SIL1: variants seen among roughly 807,000 people sequenced by gnomAD.
The protein encoded by SIL1 is nucleotide exchange factor SIL1.
In SIL1, 40 loss-of-function variants were observed where a neutral mutation model predicts 49.1. The observed-to-expected ratio is 0.81, with a 90% confidence interval of 0.63 to 1.06. SIL1 has a LOEUF of 1.06. Among genes scored for constraint, SIL1 ranks in the 50% least tolerant of loss-of-function variants. SIL1 has a pLI of 0.00. For missense variants in SIL1, 500 were observed against 572.6 expected (o/e 0.87, Z 1.29); for synonymous variants, 253 against 250.8 (o/e 1.01, Z -0.08).
At chr5:139,106,727 A>T (rs1485349742) in intron 3 of SIL1, among the ~76,000 whole-genome samples, 1 of 152,212 alleles carries the variant, frequency 6.6e-6, no homozygotes, top group Non-Finnish European at 1.5e-5. Context: ...TTCTTCTACA[A>T]ACCCTGCTAT....
chr5:139,157,580 ACAAAGGTAAAGCAACC>A (rs1751429855), intron 1 of SIL1, among the ~76,000 whole-genome samples: 2 of 152,248 alleles, frequency 1.3e-5, no homozygotes, highest in African/African-American at 2.4e-5. Context: ...CATTGTCAGG[ACAAAGGTAAAGCAACC>A]CAAAATGCAC....
At chr5:139,114,230 C>G (rs1770937357) in intron 3 of SIL1, among the ~76,000 whole-genome samples, 1 of 152,212 alleles carries the variant, frequency 6.6e-6, no homozygotes, top group East Asian at 1.9e-4. Context: ...AGGTTGCAGT[C>G]CTTCCTGGCC....
At position 138,996,676 on chromosome 5, in the gene SIL1, C is replaced by T. The variant is rs144695801; in HGVS notation, c.767+24495G>A. 8.1e-3 allele frequency among the ~76,000 whole-genome samples: 1,223 copies of T among 151,790 alleles called. 10 individuals carry two copies. The highest frequency in any genetic ancestry group is 0.027 in the African/African-American group (1,131 of 41,372). ...CTGGGACTACAGGTGCGAGCCACCACGCCCAGCTAATTTTTATGTTTTTAG... is the reference window on the plus strand; with the variant it reads ...CTGGGACTACAGGTGCGAGCCACCATGCCCAGCTAATTTTTATGTTTTTAG... On this transcript the variant is annotated intron_variant, in intron 7 of 9. Coordinates refer to ENST00000394817, the MANE Select transcript of SIL1 (RefSeq NM_022464.5).
At chr5:139,064,289 T>C (rs1581071772) in intron 3 of SIL1, among the ~76,000 whole-genome samples, 1 of 152,196 alleles carries the variant, frequency 6.6e-6, no homozygotes, top group Non-Finnish European at 1.5e-5. Context: ...GCAAAATTCT[T>C]AGGGTAGAAT....
intron 5 of SIL1, among the ~76,000 whole-genome samples, chr5:139,029,747 C>T (rs1768744502): frequency 1.3e-5 from 2 of 151,948 alleles, no homozygotes; most frequent in African/African-American, 4.8e-5. Context: ...GATCCACCCA[C>T]CTCAGCCTCC....
intron 7 of SIL1, among the ~76,000 whole-genome samples, chr5:139,004,028 T>G (rs1768054701): frequency 6.6e-6 from 1 of 152,192 alleles, no homozygotes. Context: ...TGTGGAGAAC[T>G]GATGAAAATT....
At chr5:138,997,273 T>G (rs1767890490) in intron 7 of SIL1, among the ~76,000 whole-genome samples, 1 of 152,226 alleles carries the variant, frequency 6.6e-6, no homozygotes, top group African/African-American at 2.4e-5. Flanking sequence ...GGTCTTAGAC[T>G]TAAGTCTGTA....
intron 3 of SIL1, among the ~76,000 whole-genome samples, chr5:139,060,032 T>C (rs1328995503): frequency 3.3e-5 from 5 of 152,248 alleles, no homozygotes; most frequent in African/African-American, 7.2e-5. Context: ...GGTCAAAATA[T>C]TGCTTCACAA....
chr5:139,039,974 G>A (rs1429574307), intron 5 of SIL1, among the ~76,000 whole-genome samples: 1 of 152,092 alleles, frequency 6.6e-6, no homozygotes, highest in Admixed American at 6.5e-5. Context: ...AGCTACCGAT[G>A]GATACAATAT....
At chr5:139,025,446 C>T (rs6863347) in intron 6 of SIL1, among the ~76,000 whole-genome samples, 62,341 of 152,018 alleles carry the variant, frequency 0.41, 13,416 homozygotes, top group African/African-American at 0.55. Flanking sequence ...AGGGCAGCCA[C>T]GGAAGTCAAT....
intron 1 of SIL1, among the ~76,000 whole-genome samples, chr5:139,185,360 C>T (rs1752059855): frequency 6.6e-6 from 1 of 152,188 alleles, no homozygotes; most frequent in South Asian, 2.1e-4. Context: ...GTTAATCCTT[C>T]TTAAAGGAAT....
intron 1 of SIL1, among the ~76,000 whole-genome samples, chr5:139,173,138 G>A (rs561677820): frequency 3.9e-5 from 6 of 152,290 alleles, no homozygotes; most frequent in African/African-American, 7.2e-5. Context: ...TGAAGAAGCC[G>A]AGTTTTCTAT....
At chr5:139,104,762 AGACTTAAGGC>A (rs765878895) in intron 3 of SIL1, among the ~76,000 whole-genome samples, 10 of 152,326 alleles carry the variant, frequency 6.6e-5, no homozygotes, top group Non-Finnish European at 1.5e-4. Context: ...TTAAGGATTA[AGACTTAAGGC>A]CCAGGCACTC....
intron 3 of SIL1, among the ~76,000 whole-genome samples, chr5:139,116,757 G>A (rs899407819): frequency 1.3e-5 from 2 of 152,182 alleles, no homozygotes; most frequent in African/African-American, 2.4e-5. Flanking sequence ...GACTACATTC[G>A]CACGCCACTG....
At chr5:139,079,876 A>G (rs550527130) in intron 3 of SIL1, among the ~76,000 whole-genome samples, 67 of 152,334 alleles carry the variant, frequency 4.4e-4, no homozygotes, top group African/African-American at 1.6e-3. Flanking sequence ...TTTTACAATG[A>G]CTTTTTTCTT....
At chr5:139,132,720 T>A (rs1217514853) in intron 1 of SIL1, among the ~76,000 whole-genome samples, 1 of 152,198 alleles carries the variant, frequency 6.6e-6, no homozygotes, top group Non-Finnish European at 1.5e-5. Flanking sequence ...TCCGTCCTTT[T>A]AAGGCCTGGC....
chr5:139,077,706 CA>C (rs1310286838), intron 3 of SIL1, among the ~76,000 whole-genome samples: 1 of 152,158 alleles, frequency 6.6e-6, no homozygotes, highest in Non-Finnish European at 1.5e-5. Context: ...ACAGAGGCAC[CA>C]AAACAGTCAC....
chr5:139,162,188 T>A (rs1033386009), intron 1 of SIL1, among the ~76,000 whole-genome samples: 4 of 152,176 alleles, frequency 2.6e-5, no homozygotes, highest in African/African-American at 9.6e-5. Context: ...AGAAGCACTA[T>A]CCCCTCTGAC....
At chr5:139,046,696 G>T (rs1769172935) in intron 4 of SIL1, among the ~76,000 whole-genome samples, 1 of 152,110 alleles carries the variant, frequency 6.6e-6, no homozygotes. Flanking sequence ...GTAAAACCTT[G>T]CTCCCCAATG....
Sources: allele counts gnomAD v4.1 joint callset (sites outside exome capture counted in the v4.1 genomes callset), GRCh38; gene constraint gnomAD v4.1.1; transcripts MANE v1.5; gene names NCBI Gene and HGNC (gene_info 2026-07-23, HGNC 2026-07-21).